Variants in SPOCK1 observed in about 807,000 individuals in gnomAD.
SPOCK1 encodes testican-1.
In SPOCK1, 23 loss-of-function variants were observed where a neutral mutation model predicts 55.3. The ratio of observed to expected loss-of-function variants is 0.42; its 90% CI spans 0.30 to 0.59. The LOEUF (loss-of-function observed/expected upper bound fraction) is 0.59. Ranked by LOEUF, SPOCK1 falls within the 20% of genes least tolerant of loss-of-function variation. The pLI, the probability that SPOCK1 is intolerant of heterozygous loss-of-function variation, is 0.22. For synonymous variants in SPOCK1, 226 were observed against 221.0 expected (o/e 1.02, Z -0.20); for missense variants, 499 against 552.5 (o/e 0.90, Z 0.97).
intron 6 of SPOCK1, among the ~76,000 whole-genome samples, chr5:137,029,455 C>G (rs994475269): frequency 6.6e-6 from 1 of 152,098 alleles, no homozygotes; most frequent in Non-Finnish European, 1.5e-5. Context: ...TTACAAAAAC[C>G]CTTGTGCGGC....
At chr5:137,288,996 T>C (rs992106833) in intron 2 of SPOCK1, among the ~76,000 whole-genome samples, 2 of 152,236 alleles carry the variant, frequency 1.3e-5, no homozygotes, top group Admixed American at 1.3e-4. Flanking sequence ...AGCAGAGCAG[T>C]GCAGTAGAGT....
At chr5:137,452,922 G>C (rs889495241) in intron 2 of SPOCK1, among the ~76,000 whole-genome samples, 1 of 152,116 alleles carries the variant, frequency 6.6e-6, no homozygotes, top group Non-Finnish European at 1.5e-5. Flanking sequence ...GGAGAAAAAA[G>C]CACTCTCTTG....
chr5:137,205,313 C>T (rs1299875085), intron 3 of SPOCK1, among the ~76,000 whole-genome samples: 1 of 152,190 alleles, frequency 6.6e-6, no homozygotes, highest in Non-Finnish European at 1.5e-5. Context: ...TATGAGGCAG[C>T]CTATTGCACG....
At chr5:137,440,688 T>A (rs1482367582) in intron 2 of SPOCK1, among the ~76,000 whole-genome samples, 1 of 152,270 alleles carries the variant, frequency 6.6e-6, no homozygotes, top group Non-Finnish European at 1.5e-5. Context: ...AATTGTGTCG[T>A]GATTTGGTTC....
intron 2 of SPOCK1, among the ~76,000 whole-genome samples, chr5:137,387,689 TA>T (rs1751624379): frequency 6.6e-6 from 1 of 152,188 alleles, no homozygotes; most frequent in Non-Finnish European, 1.5e-5. Context: ...TGTAGTAATG[TA>T]AACTATAGTC....
At chr5:137,329,073 C>A (rs1268495688) in intron 2 of SPOCK1, among the ~76,000 whole-genome samples, 1 of 152,148 alleles carries the variant, frequency 6.6e-6, no homozygotes, top group Non-Finnish European at 1.5e-5. Context: ...ACATTTGAAT[C>A]AGTGGACTGA....
intron 2 of SPOCK1, among the ~76,000 whole-genome samples, chr5:137,288,669 T>C (rs1757310750): frequency 6.6e-6 from 1 of 152,212 alleles, no homozygotes; most frequent in Admixed American, 6.5e-5. Context: ...ATGGAAAATC[T>C]GGACTCACAA....
chr5:137,026,583 T>C (rs1751679744), intron 6 of SPOCK1, among the ~76,000 whole-genome samples: 1 of 152,168 alleles, frequency 6.6e-6, no homozygotes, highest in Non-Finnish European at 1.5e-5. Flanking sequence ...ATTCCTTCAA[T>C]ACAATTTCCC....
At chr5:137,474,897 A>G (rs184139518) in intron 2 of SPOCK1, among the ~76,000 whole-genome samples, 12 of 152,344 alleles carry the variant, frequency 7.9e-5, no homozygotes, top group Admixed American at 5.9e-4. Flanking sequence ...TCACTTTGCA[A>G]TGTAATACTA....
intron 3 of SPOCK1, among the ~76,000 whole-genome samples, chr5:137,173,982 C>T (rs1003704902): frequency 4.6e-5 from 7 of 152,186 alleles, no homozygotes; most frequent in South Asian, 2.1e-4. Context: ...GGAAAACTAG[C>T]GCTAACTTAT....
intron 4 of SPOCK1, among the ~76,000 whole-genome samples, chr5:137,135,019 C>T (rs1439991985): frequency 6.6e-6 from 1 of 152,154 alleles, no homozygotes; most frequent in Admixed American, 6.5e-5. Flanking sequence ...GATAAAGGGC[C>T]ATTACATTAG....
At chr5:137,393,455 G>A (rs1044564989) in intron 2 of SPOCK1, among the ~76,000 whole-genome samples, 1 of 152,308 alleles carries the variant, frequency 6.6e-6, no homozygotes, top group African/African-American at 2.4e-5. Context: ...GGCATGCCAG[G>A]AGACCAGCCA....
intron 2 of SPOCK1, among the ~76,000 whole-genome samples, chr5:137,374,121 A>G (rs6596373): frequency 0.75 from 113,845 of 152,184 alleles, 42,813 homozygotes; most frequent in Middle Eastern, 0.89. Context: ...AATAATTGTC[A>G]CCTATTGTTA....
intron 6 of SPOCK1, among the ~76,000 whole-genome samples, chr5:137,048,970 C>T (rs1265142026): frequency 2.5e-3 from 342 of 134,544 alleles, no homozygotes; most frequent in Admixed American, 3.9e-3. Context: ...ATATTGGCCC[C>T]CATTCTCTTC....
intron 6 of SPOCK1, among the ~76,000 whole-genome samples, chr5:137,010,980 C>G (rs1421781852): frequency 6.6e-6 from 1 of 152,154 alleles, no homozygotes; most frequent in Non-Finnish European, 1.5e-5. Context: ...GCTTCTCATT[C>G]CTGTCTGGAT....
chr5:136,978,903 A>G, intron 10 of SPOCK1, 59 bp from the exon 11 acceptor site: 2 of 1,515,880 alleles, frequency 1.3e-6, no homozygotes, highest in East Asian at 4.5e-5. Context: ...GACCCACGTC[A>G]GGGGTTCCTT....
rs180983171 is a variant in SPOCK1, at chr5:137,147,342, G to A, written c.233-6648C>T. ...TGTTCATCTTAATAATCTGTAATAA[G>A]GGAAAATTATAACACTTTGAATGTC... On this transcript the variant is annotated intron_variant, in intron 3 of 10. Coordinates refer to ENST00000394945, the MANE Select transcript of SPOCK1 (RefSeq NM_004598.4). Among the ~76,000 whole-genome samples the A allele has an allele frequency of 4.9e-3, 745 of 152,304 alleles. 7 individuals carry two copies. Among genetic ancestry groups the A allele is most frequent in the African/African-American group, 0.017 (705 of 41,576 alleles).
At chr5:137,113,110 C>G (rs1264065877) in intron 4 of SPOCK1, among the ~76,000 whole-genome samples, 4 of 152,238 alleles carry the variant, frequency 2.6e-5, no homozygotes, top group African/African-American at 9.6e-5. Context: ...AGCTTCCAAT[C>G]TGCCATTTGA....
intron 5 of SPOCK1, among the ~76,000 whole-genome samples, chr5:137,069,890 ATT>A (rs920019269): frequency 3.9e-5 from 6 of 152,170 alleles, no homozygotes. Context: ...TTATCATGCT[ATT>A]GCTGTTACTG....
Sources: gnomAD v4.1 joint callset for allele counts (sites outside exome capture counted in the v4.1 genomes callset) on GRCh38, gnomAD v4.1.1 for gene constraint, MANE v1.5 for transcripts, NCBI Gene and HGNC (gene_info 2026-07-23, HGNC 2026-07-21) for gene names.